Variants in CDH23 observed in about 807,000 individuals in gnomAD.
The protein encoded by CDH23 is cadherin-23.
Under a neutral mutation model 317.1 loss-of-function variants are expected in CDH23, and 189 were observed. The ratio of observed to expected loss-of-function variants is 0.60; its 90% CI spans 0.53 to 0.67. The LOEUF is 0.67. Ranked by LOEUF, CDH23 falls within the 30% of genes least tolerant of loss-of-function variation. The pLI is 0.00. For synonymous variants in CDH23, 1,839 were observed against 1,876.8 expected, an observed-to-expected ratio of 0.98 and a Z score of 0.52; for missense variants, 4,401 against 4,592.4, an observed-to-expected ratio of 0.96 and a Z score of 1.20.
At chr10:71,610,203 G>C (rs1372816064) in intron 9 of CDH23, among the ~76,000 whole-genome samples, 1 of 152,144 alleles carries the variant, frequency 6.6e-6, no homozygotes, top group African/African-American at 2.4e-5. Flanking sequence ...AAGGTTCACT[G>C]TGTTGGCCAT....
At chr10:71,676,960 G>A (rs60354511) in intron 15 of CDH23, among the ~76,000 whole-genome samples, 2 of 152,124 alleles carry the variant, frequency 1.3e-5, no homozygotes, top group Non-Finnish European at 2.9e-5. Context: ...TTGTCTTGCC[G>A]GACCTTTCTG....
At chr10:71,615,839 A>G (rs1262038359) in intron 10 of CDH23, among the ~76,000 whole-genome samples, 1 of 152,194 alleles carries the variant, frequency 6.6e-6, no homozygotes, top group East Asian at 1.9e-4. Context: ...CGCATCCATC[A>G]TCAACAACCA....
intron 14 of CDH23, among the ~76,000 whole-genome samples, chr10:71,653,959 A>C (rs1240484287): frequency 6.6e-6 from 1 of 152,054 alleles, no homozygotes; most frequent in African/African-American, 2.4e-5. Flanking sequence ...TGGTTCCTAG[A>C]TTTTCTGCCT....
intron 62 of CDH23, 23 bp from the exon 63 acceptor site, chr10:71,811,292 T>C: frequency 6.2e-7 from 1 of 1,613,576 alleles, no homozygotes. Flanking sequence ...GGAGGAGAGC[T>C]GAGACCCCTG....
intron 6 of CDH23, among the ~76,000 whole-genome samples, chr10:71,543,586 A>AT (rs991485323): frequency 6.6e-6 from 1 of 152,012 alleles, no homozygotes; most frequent in Non-Finnish European, 1.5e-5. Context: ...GAAGTCAACC[A>AT]TTTTTTTTCC....
Position 71,402,766 on chromosome 10 carries a change from C to A in CDH23, c.-6+5448C>A, listed in dbSNP as rs553404917. The stretch of plus-strand genomic sequence containing the variant: ...GTGTGCACGCGCGCGCGCGCACATG[C>A]GCGTTGGATGGGGGTTGTTGTGGTT... On this transcript the variant is annotated intron_variant, in intron 1 of 69. Transcript: ENST00000224721. 2.0e-5 allele frequency among the ~76,000 whole-genome samples: 3 copies of A among 151,724 alleles called. No homozygotes were observed. In the South Asian group the frequency reaches 6.3e-4, roughly 32 times the overall value.
At chr10:71,812,692 C>T (rs987727140) in intron 67 of CDH23, 76 bp from the exon 68 acceptor site, 1 of 1,611,716 alleles carries the variant, frequency 6.2e-7, no homozygotes, top group Non-Finnish European at 8.5e-7. Flanking sequence ...AAGCTGGGTT[C>T]TTTAAGGGGT....
chr10:71,491,127 G>A lies in CDH23; in HGVS notation c.146-18955G>A, dbSNP rs569348419. Among the ~76,000 whole-genome samples, 160 of 152,350 alleles carry A rather than the reference G, an allele frequency of 1.1e-3. 1 individual carries two copies. The highest frequency in any genetic ancestry group is 3.7e-3 in the African/African-American group (153 of 41,588). On this transcript the variant is annotated intron_variant, in intron 3 of 69. Transcript: ENST00000224721. ...GCATCGATTGGGTGCTTTAAAGTCAGGCTGGGAGCTCCTCGCGTCATGTGA... is the reference window on the plus strand; with the variant it reads ...GCATCGATTGGGTGCTTTAAAGTCAAGCTGGGAGCTCCTCGCGTCATGTGA...
intron 11 of CDH23, among the ~76,000 whole-genome samples, chr10:71,630,641 G>A (rs75848682): frequency 1.5e-3 from 232 of 152,344 alleles, no homozygotes; most frequent in African/African-American, 5.2e-3. Context: ...AGCTTCCAGC[G>A]TGTTACGTTT....
At chr10:71,619,800 T>C (rs1861378591) in intron 11 of CDH23, among the ~76,000 whole-genome samples, 1 of 152,180 alleles carries the variant, frequency 6.6e-6, no homozygotes, top group African/African-American at 2.4e-5. Flanking sequence ...AGGCTTGATC[T>C]TGGAGGCAAC....
rs761342348 is a variant in CDH23 at position 71,805,909 on chromosome 10, G to A, written c.7976G>A (p.Arg2659Gln). 7 of 1,613,654 alleles carry A rather than the reference G, an allele frequency of 4.3e-6. No individual in the cohort carries two copies. In the South Asian group the frequency reaches 4.4e-5, roughly 10 times the overall value. ...RYSFLKTAGN[R>Q]DWEFFIIDPI... ...AGCTTCCTGAAGACTGCGGGCAACC[G>A]GGACTGGGAGTTCTTCATCATCGAC... Residue 2659 changes from arginine to glutamine, a missense_variant, in exon 56 of 70, where the codon CGG becomes CAG. By Grantham distance (43) the Arg-to-Gln change is conservative. This residue lies in a region of CDH23 where 1,144 missense variants were observed against 1,138.2 expected (regional missense o/e 1.01). Coordinates refer to ENST00000224721, the MANE Select transcript of CDH23 (RefSeq NM_022124.6).
intron 9 of CDH23, among the ~76,000 whole-genome samples, chr10:71,590,900 A>AAAAAAAAC: frequency 6.7e-6 from 1 of 149,200 alleles, no homozygotes; most frequent in African/African-American, 2.5e-5. Context: ...AAAAAAACAA[A>AAAAAAAAC]AAAAAACACC....
At chr10:71,671,453 A>C (rs1006157652) in intron 14 of CDH23, among the ~76,000 whole-genome samples, 19 of 152,132 alleles carry the variant, frequency 1.2e-4, no homozygotes, top group Admixed American at 1.1e-3. Flanking sequence ...TTTGTTCTCT[A>C]TACATAGGCC....
chr10:71,789,903 C>T (rs902687570), intron 45 of CDH23, among the ~76,000 whole-genome samples: 3 of 152,192 alleles, frequency 2.0e-5, no homozygotes, highest in Non-Finnish European at 4.4e-5. Context: ...ATGGCCAGGC[C>T]CCCAAAGGCA....
intron 47 of CDH23, among the ~76,000 whole-genome samples, 162 bp from the exon 48 acceptor site, chr10:71,793,020 C>A (rs371997854): frequency 6.6e-6 from 1 of 151,552 alleles, no homozygotes; most frequent in Non-Finnish European, 1.5e-5. Flanking sequence ...AAATAACATG[C>A]CATTTTCCTA....
intron 34 of CDH23, among the ~76,000 whole-genome samples, chr10:71,736,253 G>A (rs1839561779): frequency 6.6e-6 from 1 of 152,222 alleles, no homozygotes; most frequent in Non-Finnish European, 1.5e-5. Context: ...AGGCTCCCAG[G>A]GGCCGCTGCC....
chr10:71,739,690 T>G lies in CDH23; in HGVS notation c.4406T>G (p.Ile1469Ser). The change falls in exon 36 of 70, where the codon ATC becomes AGC. Residue 1469 changes from isoleucine (I) to serine (S), a missense_variant. This residue lies in a region of CDH23 where 3,068 missense variants were observed against 3,203.3 expected (regional missense o/e 0.96). Transcript: ENST00000224721. ...ASGNIAGAFEIVTTNDSIGEV... is the reference protein window; with the variant it reads ...ASGNIAGAFESVTTNDSIGEV... ...GGCAACATCGCGGGGGCCTTTGAGA[T>G]CGTCACCACCAATGACTCCATTGGC... is the stretch of plus-strand genomic sequence containing the variant. The G allele has an allele frequency of 6.2e-7, 1 of 1,613,446 alleles. No homozygotes were observed. The highest frequency in any genetic ancestry group is 1.3e-5 in the African/African-American group (1 of 75,040).
rs186394654 is a variant in CDH23 at position 71,793,576 on chromosome 10, C to T, written c.6648C>T (p.Ala2216=). The change falls in exon 48 of 70, where the codon GCC becomes GCT. Residue 2216 remains alanine (A), a synonymous_variant. Transcript: ENST00000224721. ...AGTACCACATTGTCGGCATTGTGGC[C>T]AAGGACGACACTGATCGCCTGGTGC... The part of the protein sequence containing the change: ...KLEYHIVGIV[A]KDDTDRLVPN... 1.8e-3 allele frequency: 2,831 copies of T among 1,612,516 alleles called. 4 individuals carry two copies. The highest frequency in any genetic ancestry group is 2.2e-3 in the Non-Finnish European group (2,538 of 1,179,022).
At chr10:71,794,760 A>G (rs547312309) in intron 48 of CDH23, 1 of 152,378 alleles carries the variant, frequency 6.6e-6, no homozygotes, top group East Asian at 1.9e-4. Flanking sequence ...CACTGTCTGG[A>G]TAGCAATCCA....
Sources: allele counts gnomAD v4.1 joint callset (sites outside exome capture counted in the v4.1 genomes callset), GRCh38; gene constraint gnomAD v4.1.1; regional missense constraint gnomAD v4.1.1; transcripts MANE v1.5; gene names NCBI Gene and HGNC (gene_info 2026-07-23, HGNC 2026-07-21).